Variants in TRPM3 observed in about 807,000 individuals in gnomAD.
The protein encoded by TRPM3 is long transient receptor potential channel 3.
Under a neutral mutation model 181.2 loss-of-function variants are expected in TRPM3, and 77 were observed. That is an observed-to-expected ratio of 0.42 (90% confidence interval 0.35 to 0.51). TRPM3 has a LOEUF of 0.51. Among genes scored for constraint, TRPM3 ranks in the 20% least tolerant of loss-of-function variants. The pLI is 0.01. For synonymous variants in TRPM3, 745 were observed against 796.4 expected (o/e 0.94, Z 1.09); for missense variants, 1,759 against 2,196.7 (o/e 0.80, Z 3.98).
intron 1 of TRPM3, among the ~76,000 whole-genome samples, chr9:71,383,475 T>A (rs1255899603): frequency 6.6e-6 from 1 of 152,126 alleles, no homozygotes; most frequent in Non-Finnish European, 1.5e-5. Context: ...CTGGGGTATT[T>A]CCTCCCTCAG....
intron 1 of TRPM3, among the ~76,000 whole-genome samples, chr9:71,086,881 T>A (rs1336309527): frequency 6.6e-6 from 1 of 152,056 alleles, no homozygotes; most frequent in Non-Finnish European, 1.5e-5. Context: ...TGAGAATTAG[T>A]GCCTCTTGAA....
Position 71,121,567 on chromosome 9 carries a change from G to A in TRPM3, c.-213C>T, listed in dbSNP as rs2073646133. On this transcript the variant is annotated 5_prime_UTR_variant, in exon 1 of 26. Transcript: ENST00000677713. ...GGGGATGCACGATTTTGAAGAAGAG[G>A]GACAGCCTGCACAAAACAGCCTGTG... 8 of 1,366,368 alleles carry A rather than the reference G, an allele frequency of 5.9e-6. No homozygotes were observed. In the South Asian group the frequency reaches 1.5e-4, roughly 26 times the overall value. 84.6% of individuals were successfully genotyped at this position (1,366,368 alleles called of 1,614,324 possible). A position where few individuals can be genotyped will look rare whatever the true frequency, so the allele number is the denominator to read the frequency against.
intron 1 of TRPM3, among the ~76,000 whole-genome samples, chr9:71,329,446 A>T (rs1313658358): frequency 2.0e-5 from 3 of 152,220 alleles, no homozygotes; most frequent in African/African-American, 7.2e-5. Flanking sequence ...AAAGCCTTAT[A>T]GGTGAGCTGA....
At chr9:70,680,293 G>A (rs1027470665) in intron 9 of TRPM3, among the ~76,000 whole-genome samples, 2 of 152,108 alleles carry the variant, frequency 1.3e-5, no homozygotes, top group African/African-American at 4.8e-5. Flanking sequence ...TATATCATTT[G>A]GTTGTTGAAA....
intron 1 of TRPM3, among the ~76,000 whole-genome samples, chr9:70,993,784 CAAAAAAAAAAAA>C (rs745913831): frequency 3.0e-5 from 2 of 66,770 alleles, no homozygotes; most frequent in South Asian, 5.8e-4. Context: ...GATTCCATCT[CAAAAAAAAAAAA>C]AAAAAAAAAG....
chr9:71,248,132 T>A lies in TRPM3; in HGVS notation c.183+198521A>T, dbSNP rs555891111. Among the ~76,000 whole-genome samples, 3 of 152,346 alleles carry A rather than the reference T, an allele frequency of 2.0e-5. No individual in the cohort carries two copies. In the South Asian group the frequency reaches 6.2e-4, roughly 32 times the overall value. On this transcript the variant is annotated intron_variant, in intron 1 of 24. Transcript: ENST00000357533. Reference sequence around the variant, plus strand: ...CTCCAATAATTGGAAACGTAAGGCATCAGAAATTACTGGTTGTCAGTCTGA... The same window carrying A: ...CTCCAATAATTGGAAACGTAAGGCAACAGAAATTACTGGTTGTCAGTCTGA...
chr9:70,612,151 C>T (rs2062088598), intron 18 of TRPM3, among the ~76,000 whole-genome samples: 1 of 152,174 alleles, frequency 6.6e-6, no homozygotes, highest in Admixed American at 6.5e-5. Flanking sequence ...CTTAGACACT[C>T]CTGACTAAAA....
intron 1 of TRPM3, among the ~76,000 whole-genome samples, chr9:71,314,508 T>A (rs575423027): frequency 6.6e-6 from 1 of 152,068 alleles, no homozygotes; most frequent in Non-Finnish European, 1.5e-5. Flanking sequence ...AAAAAGCATA[T>A]GGAAAGAAGC....
chr9:70,638,912 A>G (rs902839417), intron 11 of TRPM3, 148 bp downstream of exon 11: 1 of 895,226 alleles, frequency 1.1e-6, no homozygotes, highest in Non-Finnish European at 1.6e-6. Context: ...GGTGTTTGTC[A>G]TCTATGTAGG....
At chr9:70,752,054 G>A (rs969454807) in intron 8 of TRPM3, among the ~76,000 whole-genome samples, 4 of 62,248 alleles carry the variant, frequency 6.4e-5, no homozygotes, top group Admixed American at 1.4e-4. Context: ...GTGTGTGCGC[G>A]CGCGCGCGCA....
At chr9:71,273,824 C>A (rs866864240) in intron 1 of TRPM3, among the ~76,000 whole-genome samples, 3 of 152,140 alleles carry the variant, frequency 2.0e-5, no homozygotes, top group Non-Finnish European at 4.4e-5. Context: ...GAAATCTGTT[C>A]TTTAGGCTAA....
chr9:70,632,239 C>A (rs368633226), intron 12 of TRPM3, among the ~76,000 whole-genome samples: 5 of 152,220 alleles, frequency 3.3e-5, no homozygotes, highest in East Asian at 3.9e-4. Flanking sequence ...CACTTGAAAC[C>A]ACCTGAAAGT....
At chr9:70,543,553 T>A (rs1439123836) in intron 25 of TRPM3, among the ~76,000 whole-genome samples, 1 of 152,166 alleles carries the variant, frequency 6.6e-6, no homozygotes, top group African/African-American at 2.4e-5. Context: ...TGAACTTAAT[T>A]GATTTGATTT....
chr9:70,800,631 C>G (rs2088675062), intron 6 of TRPM3, among the ~76,000 whole-genome samples: 1 of 152,188 alleles, frequency 6.6e-6, no homozygotes. Context: ...CATGATGACC[C>G]ACTTCTACTT....
At chr9:70,801,633 C>T (rs942133772) in intron 6 of TRPM3, among the ~76,000 whole-genome samples, 3 of 151,962 alleles carry the variant, frequency 2.0e-5, no homozygotes, top group Non-Finnish European at 4.4e-5. Context: ...ACAGTCATGG[C>T]CTAGAGACAT....
At position 71,203,596 on chromosome 9, in the gene TRPM3, T is replaced by G. The variant is rs183953725; in HGVS notation, c.183+243057A>C. Among the ~76,000 whole-genome samples, 1,395 of 152,322 alleles carry G rather than the reference T, an allele frequency of 9.2e-3. 19 individuals are homozygous for G. The highest frequency in any genetic ancestry group is 0.049 in the South Asian group (235 of 4,828). The stretch of plus-strand genomic sequence containing the variant: ...TTGAAGTCCCAGTTATGCTACTGAC[T>G]GGCTGTGTGACCTTAGGCATGTTAC... On this transcript the variant is annotated intron_variant, in intron 1 of 24. Coordinates refer to the TRPM3 transcript ENST00000357533.
chr9:71,155,376 G>C (rs1040794283), intron 1 of TRPM3, among the ~76,000 whole-genome samples: 8 of 151,858 alleles, frequency 5.3e-5, no homozygotes, highest in African/African-American at 1.9e-4. Context: ...GGAGTGCAAT[G>C]GTATGATCTC....
chr9:71,058,194 A>G (rs1240079626), intron 1 of TRPM3, among the ~76,000 whole-genome samples: 1 of 152,076 alleles, frequency 6.6e-6, no homozygotes, highest in African/African-American at 2.4e-5. Flanking sequence ...ACATGGAAGT[A>G]GCTTTGTAAA....
At chr9:70,609,098 A>G (rs932146302) in intron 19 of TRPM3, among the ~76,000 whole-genome samples, 5 of 152,210 alleles carry the variant, frequency 3.3e-5, no homozygotes, top group Admixed American at 6.5e-5. Flanking sequence ...GTTTTAACAC[A>G]TTTAATCTTG....
Sources: allele counts gnomAD v4.1 joint callset (sites outside exome capture counted in the v4.1 genomes callset), GRCh38; gene constraint gnomAD v4.1.1; transcripts MANE v1.5; gene names NCBI Gene and HGNC (gene_info 2026-07-23, HGNC 2026-07-21).